PREP: variants seen among roughly 807,000 people sequenced by gnomAD.
PREP encodes the protein prolyl endopeptidase, also known as dJ355L5.1 (prolyl endopeptidase).
A neutral mutation model predicts 87.6 loss-of-function variants in PREP; 29 were observed. The ratio of observed to expected loss-of-function variants is 0.33; its 90% CI spans 0.25 to 0.45. PREP has a LOEUF of 0.45. PREP is among the 20% of genes least tolerant of loss of function. The pLI is 1.00. For synonymous variants in PREP, 337 were observed against 328.6 expected, an observed-to-expected ratio of 1.03 and a Z score of -0.28; for missense variants, 695 against 886.5, an observed-to-expected ratio of 0.78 and a Z score of 2.74.
At chr6:105,383,053 C>T (rs1772888784) in intron 2 of PREP, among the ~76,000 whole-genome samples, 1 of 152,060 alleles carries the variant, frequency 6.6e-6, no homozygotes, top group African/African-American at 2.4e-5. Context: ...GGGACAGCCC[C>T]ATCAAAAAGC....
chr6:105,321,024 A>G (rs150168808), intron 10 of PREP, among the ~76,000 whole-genome samples: 155 of 152,350 alleles, frequency 1.0e-3, no homozygotes, highest in African/African-American at 3.4e-3. Context: ...CCACTGCACA[A>G]CAGATTTTAA....
intron 7 of PREP, among the ~76,000 whole-genome samples, chr6:105,339,087 A>G (rs1359962280): frequency 7.2e-5 from 11 of 152,194 alleles, no homozygotes. Context: ...ACTGCCTCCT[A>G]AAGTGGGTCC....
At chr6:105,293,947 TC>T in intron 10 of PREP, among the ~76,000 whole-genome samples, 1 of 152,302 alleles carries the variant, frequency 6.6e-6, no homozygotes, top group East Asian at 1.9e-4. Flanking sequence ...AGCCAGTTTT[TC>T]CCCCTTTGTA....
chr6:105,278,403 G>A lies in PREP; in HGVS notation c.1874C>T (p.Ala625Val). Residue 625 changes from alanine (A) to valine (V), a missense_variant, in exon 15 of 15, where the codon GCA becomes GTA. This residue lies in a region of PREP where 121 missense variants were observed against 154.8 expected (regional missense o/e 0.78). Coordinates refer to ENST00000652536, the MANE Select transcript of PREP (RefSeq NM_002726.5). The surrounding 1 kb of genome is among the most constrained non-coding windows in gnomAD (Gnocchi z 4.2). ...CATGGACGGGTACTGGATGTCATCT[G>A]CTTCTGGTAACTTCACATTATGCAA... ...SPLHNVKLPE[A>V]DDIQYPSMLL... 2 of 1,613,754 alleles carry A rather than the reference G, an allele frequency of 1.2e-6. No homozygotes were observed. The highest frequency in any genetic ancestry group is 1.1e-5 in the South Asian group (1 of 91,064).
At chr6:105,292,371 CCT>C (rs1413065051) in intron 10 of PREP, among the ~76,000 whole-genome samples, 2 of 152,192 alleles carry the variant, frequency 1.3e-5, no homozygotes, top group East Asian at 3.8e-4. Context: ...ACAACATTCA[CCT>C]CCTTGTACAG....
At chr6:105,285,309 G>T (rs576720924) in intron 12 of PREP, among the ~76,000 whole-genome samples, 177 bp downstream of exon 12, 1 of 152,184 alleles carries the variant, frequency 6.6e-6, no homozygotes, top group South Asian at 2.1e-4. Flanking sequence ...AATGTGAAAA[G>T]TGAGTTGTTT....
chr6:105,340,823 T>A (rs1771626771), intron 7 of PREP, among the ~76,000 whole-genome samples: 1 of 152,134 alleles, frequency 6.6e-6, no homozygotes, highest in Non-Finnish European at 1.5e-5. Flanking sequence ...AGGGATCAAT[T>A]CAACAAGAAG....
chr6:105,290,016 G>A (rs1583037481), intron 10 of PREP, among the ~76,000 whole-genome samples: 1 of 152,064 alleles, frequency 6.6e-6, no homozygotes, highest in African/African-American at 2.4e-5. Context: ...CATGATAAAC[G>A]CCTGCAATCT....
chr6:105,284,716 T>C (rs1200692766), intron 12 of PREP, among the ~76,000 whole-genome samples: 1 of 152,176 alleles, frequency 6.6e-6, no homozygotes, highest in African/African-American at 2.4e-5. Flanking sequence ...CTGGTTAGTC[T>C]ATGAATTCAA....
intron 6 of PREP, among the ~76,000 whole-genome samples, chr6:105,367,671 C>CAAAAAAA (rs112161765): frequency 2.5e-5 from 2 of 80,500 alleles, no homozygotes; most frequent in Non-Finnish European, 2.9e-5. Flanking sequence ...GACTCCGTCT[C>CAAAAAAA]AAAAAAAAAA....
chr6:105,380,943 T>C (rs1772821945), intron 2 of PREP, among the ~76,000 whole-genome samples: 2 of 152,330 alleles, frequency 1.3e-5, no homozygotes, highest in African/African-American at 4.8e-5. Flanking sequence ...CTATTTTGCT[T>C]TGCTTCTTTC....
In PREP at chr6:105,388,358, C is replaced by T. The variant is rs185525473; in HGVS notation, c.120+9495G>A. Among the ~76,000 whole-genome samples, 78 of 152,256 alleles carry T rather than the reference C, an allele frequency of 5.1e-4. No homozygotes were observed. The Middle Eastern group carries it at 0.014, about 27-fold the overall frequency. ...ACATTCCTGCCTGCTCAGAGCCTGGCCCTTGGTCCATTCCAAGCTGCCTTC... is the reference window on the plus strand; with the variant it reads ...ACATTCCTGCCTGCTCAGAGCCTGGTCCTTGGTCCATTCCAAGCTGCCTTC... On this transcript the variant is annotated intron_variant, in intron 2 of 14. Coordinates refer to ENST00000652536, the MANE Select transcript of PREP (RefSeq NM_002726.5).
rs1289732553 is a variant in PREP at position 105,277,421 on chromosome 6, GTGATTTT to G, written c.*716_*722del. 2.0e-5 allele frequency: 3 copies of G among 152,162 alleles called. No individual in the cohort carries two copies. The highest frequency in any genetic ancestry group is 7.2e-5 in the African/African-American group (3 of 41,444). The allele number at this position is 152,162 out of a possible 1,614,324, so 9.4% of individuals were successfully genotyped here. The stretch of plus-strand genomic sequence containing the variant: ...TGAATAATCTGAATTTTCCAGCCCA[GTGATTTT>G]TGAAAGGAGGCATCCAAACCAAAAG... On this transcript the variant is annotated 3_prime_UTR_variant, in exon 15 of 15. Transcript: ENST00000652536.
intron 7 of PREP, among the ~76,000 whole-genome samples, chr6:105,344,496 A>T (rs1292232911): frequency 6.6e-6 from 1 of 151,996 alleles, no homozygotes; most frequent in African/African-American, 2.4e-5. Context: ...CGTCTCAAAA[A>T]AAAAAAAAAA....
intron 2 of PREP, among the ~76,000 whole-genome samples, chr6:105,384,774 C>T (rs1772940288): frequency 6.6e-6 from 1 of 152,106 alleles, no homozygotes. Flanking sequence ...TGTGAGAAAC[C>T]CAAAGAGACA....
At chr6:105,388,006 A>T (rs1562227226) in intron 2 of PREP, among the ~76,000 whole-genome samples, 1 of 152,118 alleles carries the variant, frequency 6.6e-6, no homozygotes, top group Admixed American at 6.6e-5. Flanking sequence ...AAGAAGTAGG[A>T]GGAAATGAAG....
At chr6:105,312,374 G>A (rs745336013) in intron 10 of PREP, among the ~76,000 whole-genome samples, 12 of 152,166 alleles carry the variant, frequency 7.9e-5, no homozygotes, top group Non-Finnish European at 1.8e-4. Context: ...GAATTAAAAT[G>A]GGCTGCATTT....
In PREP at chr6:105,376,134, C is replaced by T; in HGVS notation, c.376G>A (p.Ala126Thr). ...TCTGTGTAGCACTTACCTCGGAGTG[C>T]CACTGTGCCATCGTCAGACAGTATG... ...PNILSDDGTVALRGYAFSEDG... is the reference protein window; with the variant it reads ...PNILSDDGTVTLRGYAFSEDG... The change falls in exon 4 of 15, where the codon GCA (alanine) becomes ACA (threonine). Residue 126 changes from alanine (A) to threonine (T), a missense_variant. Around this residue, in one of 5 missense-constraint regions of PREP, gnomAD observed 517 missense variants for 620.3 expected, o/e 0.83. Coordinates refer to ENST00000652536, the MANE Select transcript of PREP (RefSeq NM_002726.5). The T allele has an allele frequency of 6.2e-7, 1 of 1,613,290 alleles. No homozygotes were observed. The highest frequency in any genetic ancestry group is 8.5e-7 in the Non-Finnish European group (1 of 1,179,574).
At chr6:105,373,676 T>A in intron 4 of PREP, 98 bp from the exon 5 acceptor site, 2 of 1,195,196 alleles carry the variant, frequency 1.7e-6, no homozygotes, top group Non-Finnish European at 2.4e-6. Flanking sequence ...AACACGGAGG[T>A]AGAATGTGGC....
Sources: gnomAD v4.1 joint callset for allele counts (sites outside exome capture counted in the v4.1 genomes callset) on GRCh38, gnomAD v4.1.1 for gene constraint, gnomAD v4.1.1 regional missense constraint, Gnocchi (gnomAD v3.1) non-coding constraint, MANE v1.5 for transcripts, NCBI Gene and HGNC (gene_info 2026-07-23, HGNC 2026-07-21) for gene names.